The following KCNIP1 variants were observed in gnomAD, a reference collection of about 807,000 sequenced individuals.
KCNIP1 encodes the protein potassium voltage-gated channel interacting protein 1, also known as A-type potassium channel modulatory protein KCNIP1.
A neutral mutation model predicts 33.0 loss-of-function variants in KCNIP1; 18 were observed. The observed-to-expected ratio is 0.55, with a 90% CI of 0.38 to 0.81. The LOEUF (loss-of-function observed/expected upper bound fraction) is 0.81. KCNIP1 is among the 30% of genes least tolerant of loss of function. The pLI is 0.00. For synonymous variants in KCNIP1, 93 were observed against 98.3 expected, an observed-to-expected ratio of 0.95 and a Z score of 0.32; for missense variants, 238 against 271.6, an observed-to-expected ratio of 0.88 and a Z score of 0.87.
intron 1 of KCNIP1, among the ~76,000 whole-genome samples, chr5:170,429,237 A>G (rs1281511108): frequency 3.3e-5 from 5 of 152,140 alleles, no homozygotes. Flanking sequence ...CTTAAAACAC[A>G]GGGCTAGACT....
At chr5:170,423,195 G>T (rs1413206129) in intron 1 of KCNIP1, among the ~76,000 whole-genome samples, 1 of 152,132 alleles carries the variant, frequency 6.6e-6, no homozygotes, top group Non-Finnish European at 1.5e-5. Flanking sequence ...AAGCTAAGAG[G>T]CAAGTCCAAA....
At chr5:170,601,560 C>T (rs1024822390) in intron 1 of KCNIP1, among the ~76,000 whole-genome samples, 5 of 152,054 alleles carry the variant, frequency 3.3e-5, no homozygotes, top group Admixed American at 6.6e-5. Context: ...AAAAGCCATG[C>T]GAGACGGAAG....
rs557561428 is a variant in KCNIP1, at chr5:170,723,062, T to C, written c.435+242T>C. 2.0e-5 allele frequency among the ~76,000 whole-genome samples: 3 copies of C among 152,308 alleles called. No individual in the cohort carries two copies. The East Asian group carries it at 5.8e-4, about 29-fold the overall frequency. ...CACTGGGTCACCTAGATTCAGTAGATATTACACAGTGGATAAAAATGACTT... is the reference window on the plus strand; with the variant it reads ...CACTGGGTCACCTAGATTCAGTAGACATTACACAGTGGATAAAAATGACTT... On this transcript the variant is annotated intron_variant, in intron 5 of 7. Coordinates refer to ENST00000328939, the MANE Select transcript of KCNIP1 (RefSeq NM_014592.4).
At chr5:170,616,270 AT>A (rs1443732307) in intron 1 of KCNIP1, among the ~76,000 whole-genome samples, 1 of 151,662 alleles carries the variant, frequency 6.6e-6, no homozygotes. Context: ...TGTTTTCTTC[AT>A]TTATTTATTT....
intron 5 of KCNIP1, among the ~76,000 whole-genome samples, chr5:170,728,809 T>C (rs1764094593): frequency 1.3e-5 from 2 of 152,072 alleles, no homozygotes; most frequent in Admixed American, 1.3e-4. Flanking sequence ...TGTTATAAAG[T>C]TACATTGGAA....
In KCNIP1 at chr5:170,504,756, C is replaced by A; in HGVS notation, c.61+123C>A. On this transcript the variant is annotated intron_variant, in intron 1 of 7. Coordinates refer to ENST00000328939, the MANE Select transcript of KCNIP1 (RefSeq NM_014592.4). This position sits in a 1 kb window ranked among gnomAD's most constrained non-coding sequence, Gnocchi z 6.0. Reference sequence around the variant, plus strand: ...TCTCCACGAGGAGCCCGGACAGGTGCTTGTATCCAAAGGAGAGAGAAATCG... The same window carrying A: ...TCTCCACGAGGAGCCCGGACAGGTGATTGTATCCAAAGGAGAGAGAAATCG... 2 of 808,090 alleles carry A rather than the reference C, an allele frequency of 2.5e-6. No individual in the cohort carries two copies. The highest frequency in any genetic ancestry group is 4.2e-6 in the Non-Finnish European group (2 of 481,568). 50.1% of individuals were successfully genotyped at this position (808,090 alleles called of 1,614,324 possible).
chr5:170,380,240 C>G (rs1238633544), intron 1 of KCNIP1, among the ~76,000 whole-genome samples: 1 of 152,190 alleles, frequency 6.6e-6, no homozygotes, highest in Non-Finnish European at 1.5e-5. Flanking sequence ...TATCTCTGTT[C>G]TGAGCTGCAA....
intron 1 of KCNIP1, among the ~76,000 whole-genome samples, chr5:170,539,210 A>C (rs1014540889): frequency 6.6e-6 from 1 of 152,080 alleles, no homozygotes; most frequent in African/African-American, 2.4e-5. Context: ...CTATTAATTC[A>C]TATGTCGGGT....
At chr5:170,699,965 G>T (rs1763036648) in intron 1 of KCNIP1, among the ~76,000 whole-genome samples, 2 of 152,200 alleles carry the variant, frequency 1.3e-5, no homozygotes, top group Non-Finnish European at 2.9e-5. Flanking sequence ...TAACAAGACT[G>T]TATTTTCTTT....
chr5:170,544,630 T>C (rs1372967600), intron 1 of KCNIP1, among the ~76,000 whole-genome samples: 1 of 152,138 alleles, frequency 6.6e-6, no homozygotes, highest in African/African-American at 2.4e-5. Context: ...ATTTCTTCAT[T>C]CCTGTCTTTT....
intron 5 of KCNIP1, among the ~76,000 whole-genome samples, chr5:170,731,440 T>C (rs1764189403): frequency 6.6e-6 from 1 of 152,146 alleles, no homozygotes; most frequent in Admixed American, 6.5e-5. Context: ...TGGTGGCTCA[T>C]GCCTATAATC....
intron 1 of KCNIP1, among the ~76,000 whole-genome samples, chr5:170,544,395 G>A (rs993391967): frequency 6.6e-6 from 1 of 152,236 alleles, no homozygotes; most frequent in Admixed American, 6.5e-5. Context: ...CCCACTAAAT[G>A]TCTAGATCTC....
intron 1 of KCNIP1, among the ~76,000 whole-genome samples, chr5:170,633,336 G>T (rs971625496): frequency 1.3e-5 from 2 of 152,014 alleles, no homozygotes; most frequent in African/African-American, 4.8e-5. Context: ...AAAATGAGCA[G>T]GGCAGCTAGT....
chr5:170,458,423 A>C (rs1042748077), intron 1 of KCNIP1, among the ~76,000 whole-genome samples: 2 of 152,232 alleles, frequency 1.3e-5, no homozygotes, highest in Non-Finnish European at 2.9e-5. Context: ...AAGATGAAGG[A>C]AAGAATCTTA....
chr5:170,539,141 C>T (rs1756101876), intron 1 of KCNIP1, among the ~76,000 whole-genome samples: 1 of 152,266 alleles, frequency 6.6e-6, no homozygotes, highest in South Asian at 2.1e-4. Flanking sequence ...CTCTAGTCTA[C>T]ACTATTGCAG....
intron 1 of KCNIP1, among the ~76,000 whole-genome samples, chr5:170,679,516 A>G (rs1762256084): frequency 6.6e-6 from 1 of 152,134 alleles, no homozygotes; most frequent in African/African-American, 2.4e-5. Context: ...TACATAGGAG[A>G]AAATTTCAGC....
At chr5:170,599,455 C>G (rs372500774) in intron 1 of KCNIP1, among the ~76,000 whole-genome samples, 1 of 152,162 alleles carries the variant, frequency 6.6e-6, no homozygotes, top group East Asian at 1.9e-4. Context: ...TTACTCAACC[C>G]TTCAGACTTA....
intron 1 of KCNIP1, among the ~76,000 whole-genome samples, chr5:170,394,406 G>C (rs1224764835): frequency 6.6e-6 from 1 of 152,104 alleles, no homozygotes; most frequent in African/African-American, 2.4e-5. Context: ...ATTCACTGCC[G>C]CATCTCTAGC....
chr5:170,550,255 T>A (rs1756559879), intron 1 of KCNIP1, among the ~76,000 whole-genome samples: 1 of 152,148 alleles, frequency 6.6e-6, no homozygotes, highest in Non-Finnish European at 1.5e-5. Context: ...CACTTGGTTC[T>A]GGAACAGAAA....
Sources: allele counts gnomAD v4.1 joint callset (sites outside exome capture counted in the v4.1 genomes callset), GRCh38; gene constraint gnomAD v4.1.1; non-coding constraint Gnocchi (gnomAD v3.1); transcripts MANE v1.5; gene names NCBI Gene and HGNC (gene_info 2026-07-23, HGNC 2026-07-21).